The following NHSL1 variants were observed in gnomAD, a reference collection of about 807,000 sequenced individuals.
NHSL1 encodes the protein NHS like 1, also known as NHS-like protein 1.
In NHSL1, 48 loss-of-function variants were observed where a neutral mutation model predicts 95.0. That is an observed-to-expected ratio of 0.51 (90% CI 0.40 to 0.64). The LOEUF (loss-of-function observed/expected upper bound fraction) is 0.64, where lower values mean the gene tolerates loss of function less well. NHSL1 is among the 30% of genes least tolerant of loss of function. NHSL1 has a pLI of 0.00. For missense variants in NHSL1, 1,971 were observed against 2,077.7 expected, an observed-to-expected ratio of 0.95 and a Z score of 1.00; for synonymous variants, 783 against 833.9, an observed-to-expected ratio of 0.94 and a Z score of 1.05.
chr6:138,535,072 G>A (rs1218989939), intron 1 of NHSL1, among the ~76,000 whole-genome samples: 5 of 152,082 alleles, frequency 3.3e-5, no homozygotes, highest in Non-Finnish European at 5.9e-5. Context: ...GGACTGGCAC[G>A]ATATCGCTGG....
chr6:138,591,708 A>G (rs766849966), intron 1 of NHSL1, among the ~76,000 whole-genome samples: 6 of 152,178 alleles, frequency 3.9e-5, no homozygotes, highest in Non-Finnish European at 7.4e-5. Flanking sequence ...CTGGGATTAC[A>G]GGTGTGAGCC....
At chr6:138,683,410 A>G (rs973119074) in intron 1 of NHSL1, among the ~76,000 whole-genome samples, 3 of 152,208 alleles carry the variant, frequency 2.0e-5, no homozygotes, top group African/African-American at 7.2e-5. Flanking sequence ...TCAGCCTTCA[A>G]TGTCACCAAA....
chr6:138,455,465 G>GAGCCCCGCCTTCACAGGCTCCCTGCAAGA (rs1777524824), intron 3 of NHSL1, among the ~76,000 whole-genome samples: 2 of 14,202 alleles, frequency 1.4e-4, no homozygotes, highest in African/African-American at 4.8e-4. Flanking sequence ...GAGCTGCAAG[G>GAGCCCCGCCTTCACAGGCTCCCTGCAAGA]AGCCCCGCCT....
intron 1 of NHSL1, among the ~76,000 whole-genome samples, chr6:138,520,280 CTTTTTTT>C (rs397888767): frequency 4.3e-4 from 35 of 80,940 alleles, no homozygotes; most frequent in Non-Finnish European, 7.9e-4. Flanking sequence ...TAGTTTAATT[CTTTTTTT>C]TTTTTTTTTT....
intron 1 of NHSL1, among the ~76,000 whole-genome samples, chr6:138,584,134 T>A (rs552140640): frequency 9.1e-4 from 138 of 152,106 alleles, no homozygotes; most frequent in African/African-American, 3.1e-3. Context: ...AATAAATAAA[T>A]AAAATAATAT....
chr6:138,655,209 T>C (rs1461959278), intron 1 of NHSL1, among the ~76,000 whole-genome samples: 2 of 152,174 alleles, frequency 1.3e-5, no homozygotes, highest in Non-Finnish European at 2.9e-5. Flanking sequence ...TGTAATACAC[T>C]AATTGAGTTT....
At chr6:138,654,571 T>C (rs1478445686) in intron 1 of NHSL1, among the ~76,000 whole-genome samples, 1 of 152,208 alleles carries the variant, frequency 6.6e-6, no homozygotes, top group African/African-American at 2.4e-5. Flanking sequence ...GGTATTTCCA[T>C]ATCATTCTTT....
chr6:138,647,192 G>A (rs762652297), intron 1 of NHSL1, among the ~76,000 whole-genome samples: 14 of 152,068 alleles, frequency 9.2e-5, no homozygotes, highest in Non-Finnish European at 1.8e-4. Context: ...TCCTGGGGGC[G>A]AAAATACAAA....
chr6:138,674,289 G>C (rs77977558), intron 1 of NHSL1, among the ~76,000 whole-genome samples: 90,942 of 151,380 alleles, frequency 0.6, 28,571 homozygotes, highest in East Asian at 0.92. Flanking sequence ...TTAATTTTTT[G>C]AAGCGTGTAA....
intron 1 of NHSL1, 51 bp downstream of exon 1, chr6:138,499,182 T>C: frequency 8.4e-7 from 1 of 1,195,606 alleles, no homozygotes. Flanking sequence ...CATATACACA[T>C]ATGGAAACAT....
intron 1 of NHSL1, among the ~76,000 whole-genome samples, chr6:138,633,848 G>C (rs967243562): frequency 1.3e-5 from 2 of 151,980 alleles, no homozygotes; most frequent in African/African-American, 2.4e-5. Flanking sequence ...TAAACAATGA[G>C]CCAAACAAAA....
chr6:138,675,028 C>A (rs1433528478), intron 1 of NHSL1, among the ~76,000 whole-genome samples: 14 of 143,556 alleles, frequency 9.8e-5, no homozygotes, highest in Non-Finnish European at 2.1e-4. Flanking sequence ...TGTCCTCCAA[C>A]CTAGGCCACC....
intron 1 of NHSL1, among the ~76,000 whole-genome samples, chr6:138,682,223 T>C (rs899073525): frequency 6.6e-6 from 1 of 152,140 alleles, no homozygotes; most frequent in Non-Finnish European, 1.5e-5. Context: ...AAATGTCTTA[T>C]GAAACCAATC....
intron 1 of NHSL1, among the ~76,000 whole-genome samples, chr6:138,588,569 G>A (rs1045598586): frequency 3.3e-5 from 5 of 152,184 alleles, no homozygotes; most frequent in African/African-American, 1.2e-4. Context: ...CAACAGCATG[G>A]AGCTTGAACC....
At chr6:138,592,027 TGTTTTTTGG>T (rs1562385437) in intron 1 of NHSL1, among the ~76,000 whole-genome samples, 2 of 152,196 alleles carry the variant, frequency 1.3e-5, no homozygotes, top group African/African-American at 4.8e-5. Flanking sequence ...CATTTGAAAA[TGTTTTTTGG>T]GTTTTTTGCT....
chr6:138,512,415 C>T (rs1365106356), intron 1 of NHSL1: 5 of 426,744 alleles, frequency 1.2e-5, no homozygotes, highest in South Asian at 3.4e-5. Flanking sequence ...GGATAAAATT[C>T]ACTTCTTTGC....
chr6:138,539,675 T>C (rs940620147), intron 1 of NHSL1, among the ~76,000 whole-genome samples: 2 of 152,234 alleles, frequency 1.3e-5, no homozygotes, highest in Non-Finnish European at 2.9e-5. Flanking sequence ...AGAGTTTAAC[T>C]GAAATCTTAG....
At chr6:138,650,077 T>C (rs939441588) in intron 1 of NHSL1, 4 of 502,446 alleles carry the variant, frequency 8.0e-6, no homozygotes, top group African/African-American at 2.0e-5. Context: ...GATAGACACA[T>C]GGCAAATATG....
In NHSL1 at chr6:138,430,526, G is replaced by A. The variant is rs371748349; in HGVS notation, c.3819C>T (p.Pro1273=). Residue 1273 remains proline (P), a synonymous_variant, in exon 6 of 8, where the codon CCC becomes CCT. Coordinates refer to ENST00000343505, the MANE Select transcript of NHSL1 (RefSeq NM_001144060.2). This position sits in a 1 kb window ranked among gnomAD's most constrained non-coding sequence, Gnocchi z 4.7. Reference sequence around the variant, plus strand: ...TGGGGACATTGGCTTCCACTCTGCTGGGAGACATGGATCCTGCAGCTCCTC... The same window carrying A: ...TGGGGACATTGGCTTCCACTCTGCTAGGAGACATGGATCCTGCAGCTCCTC... ...LEGGAAGSMS[P]SRVEANVPMV... The A allele has an allele frequency of 1.3e-4, 206 of 1,551,480 alleles. 1 individual carries two copies. The African/African-American group carries it at 2.3e-3, about 17-fold the overall frequency.
Sources: gnomAD v4.1 joint callset for allele counts (sites outside exome capture counted in the v4.1 genomes callset) on GRCh38, gnomAD v4.1.1 for gene constraint, Gnocchi (gnomAD v3.1) non-coding constraint, MANE v1.5 for transcripts, NCBI Gene and HGNC (gene_info 2026-07-23, HGNC 2026-07-21) for gene names.